CSMD3: variants seen among roughly 807,000 people sequenced by gnomAD.
The protein encoded by CSMD3 is CUB and Sushi multiple domains 3.
CSMD3 carries 177 observed loss-of-function variants against 435.2 expected under a neutral mutation model. The observed-to-expected ratio is 0.41, with a 90% confidence interval of 0.36 to 0.46. CSMD3 has a LOEUF of 0.46. Among genes scored for constraint, CSMD3 ranks in the 20% least tolerant of loss-of-function variants. CSMD3 has a pLI of 0.34. For missense variants in CSMD3, 4,265 were observed against 4,504.6 expected (o/e 0.95, Z 1.52); for synonymous variants, 1,656 against 1,520.5 (o/e 1.09, Z -2.07).
intron 1 of CSMD3, among the ~76,000 whole-genome samples, chr8:113,420,185 A>C (rs140714172): frequency 0.013 from 2,000 of 152,284 alleles, 47 homozygotes; most frequent in African/African-American, 0.044. Flanking sequence ...ATGTAGATAT[A>C]CTTAGTAAAT....
At chr8:112,474,772 T>C (rs1818875784) in intron 31 of CSMD3, among the ~76,000 whole-genome samples, 1 of 152,198 alleles carries the variant, frequency 6.6e-6, no homozygotes, top group African/African-American at 2.4e-5. Flanking sequence ...ACAGTATAGT[T>C]AAAACACACA....
At chr8:113,099,739 G>T (rs140727466) in intron 4 of CSMD3, among the ~76,000 whole-genome samples, 1 of 152,160 alleles carries the variant, frequency 6.6e-6, no homozygotes, top group African/African-American at 2.4e-5. Flanking sequence ...AACTAGCAGC[G>T]TGGTTATATG....
chr8:112,652,717 T>C (rs1263864251), intron 18 of CSMD3, among the ~76,000 whole-genome samples: 1 of 152,124 alleles, frequency 6.6e-6, no homozygotes, highest in African/African-American at 2.4e-5. Flanking sequence ...GTTGCAAAAT[T>C]GAGAAAATGA....
chr8:112,337,400 G>C, intron 43 of CSMD3, 143 bp downstream of exon 43: 3 of 713,074 alleles, frequency 4.2e-6, no homozygotes, highest in Non-Finnish European at 7.5e-6. Context: ...TCATTATAGA[G>C]CCTTAGGGGT....
chr8:112,994,625 T>C (rs1241047587), intron 6 of CSMD3, among the ~76,000 whole-genome samples: 1 of 151,598 alleles, frequency 6.6e-6, no homozygotes, highest in African/African-American at 2.4e-5. Flanking sequence ...GTTACACTGA[T>C]AAAATTGAGA....
intron 31 of CSMD3, among the ~76,000 whole-genome samples, chr8:112,488,816 T>C (rs1331425047): frequency 6.6e-6 from 1 of 152,180 alleles, no homozygotes; most frequent in Non-Finnish European, 1.5e-5. Flanking sequence ...AAGATATTAT[T>C]ATCTAGAATT....
intron 3 of CSMD3, among the ~76,000 whole-genome samples, chr8:113,221,860 T>C (rs772028438): frequency 6.6e-6 from 1 of 151,314 alleles, no homozygotes. Context: ...TTACTTAACA[T>C]GTTATATGTT....
chr8:112,872,377 A>G (rs2081160146), intron 10 of CSMD3, among the ~76,000 whole-genome samples: 1 of 152,040 alleles, frequency 6.6e-6, no homozygotes, highest in South Asian at 2.1e-4. Flanking sequence ...CTAATAATGA[A>G]ATGCACCCGA....
At chr8:113,167,538 G>A (rs777447380) in intron 4 of CSMD3, among the ~76,000 whole-genome samples, 2 of 152,102 alleles carry the variant, frequency 1.3e-5, no homozygotes, top group Non-Finnish European at 2.9e-5. Context: ...GGACATGTAC[G>A]TTATTTTATA....
At chr8:112,253,334 T>C (rs959253272) in intron 63 of CSMD3, among the ~76,000 whole-genome samples, 1 of 151,894 alleles carries the variant, frequency 6.6e-6, no homozygotes, top group African/African-American at 2.4e-5. Flanking sequence ...TTTTTACACT[T>C]TTGTATTATC....
chr8:113,029,569 C>T (rs1362598869), intron 5 of CSMD3, among the ~76,000 whole-genome samples: 1 of 151,470 alleles, frequency 6.6e-6, no homozygotes, highest in Admixed American at 6.6e-5. Context: ...TCAACAAGAT[C>T]CAGCATCCAT....
chr8:112,308,536 G>T (rs1037882677), intron 50 of CSMD3, among the ~76,000 whole-genome samples: 4 of 151,928 alleles, frequency 2.6e-5, no homozygotes, highest in African/African-American at 9.7e-5. Context: ...AATAAATCCA[G>T]TTCAGAAGAA....
At chr8:113,343,818 T>G (rs1446666553) in intron 1 of CSMD3, among the ~76,000 whole-genome samples, 1 of 152,158 alleles carries the variant, frequency 6.6e-6, no homozygotes, top group Non-Finnish European at 1.5e-5. Context: ...ATGCCTGTAA[T>G]CCCAGCACTT....
chr8:113,423,616 C>A (rs2094620143), intron 1 of CSMD3, among the ~76,000 whole-genome samples: 1 of 151,670 alleles, frequency 6.6e-6, no homozygotes, highest in African/African-American at 2.4e-5. Flanking sequence ...ATGTCAAATA[C>A]ATAAAAAAAG....
At position 112,263,137 on chromosome 8, in the gene CSMD3, TAAAA is replaced by T. The variant is rs58022386; in HGVS notation, c.9862+498_9862+501del. Among the ~76,000 whole-genome samples the T allele has an allele frequency of 1.3e-3, 184 of 137,992 alleles. 2 individuals are homozygous for T. The highest frequency in any genetic ancestry group is 8.5e-3 in the South Asian group (37 of 4,348). The allele number at this position is 137,992 out of a possible 152,430, so 90.5% of individuals were successfully genotyped here. A position where few individuals can be genotyped will look rare whatever the true frequency, so the allele number is the denominator to read the frequency against. ...GGTATATAGTATACAGCAACCTCTG[TAAAA>T]AAAAAAAAAAAAAGGCAAAACAAAC... On this transcript the variant is annotated intron_variant, in intron 61 of 70. Transcript: ENST00000297405.
At chr8:113,127,107 C>G (rs2091155859) in intron 4 of CSMD3, among the ~76,000 whole-genome samples, 1 of 152,000 alleles carries the variant, frequency 6.6e-6, no homozygotes, top group South Asian at 2.1e-4. Flanking sequence ...CAAATGAACT[C>G]TTTGAGGGCA....
intron 27 of CSMD3, among the ~76,000 whole-genome samples, chr8:112,523,162 T>C (rs1454025093): frequency 6.6e-6 from 1 of 151,902 alleles, no homozygotes; most frequent in Non-Finnish European, 1.5e-5. Context: ...TTGGATCTCA[T>C]ACAGTTGGAT....
Position 112,265,573 on chromosome 8 carries a change from G to A in CSMD3, c.9526C>T (p.Pro3176Ser), listed in dbSNP as rs1816863695. The change falls in exon 60 of 71, where the codon CCA (proline) becomes TCA (serine). Residue 3176 changes from proline to serine, a missense_variant. By Grantham distance (74) the Pro-to-Ser change is moderately conservative. Coordinates refer to ENST00000297405, the MANE Select transcript of CSMD3 (RefSeq NM_198123.2). ...CTCAGTCCATTGGCTGGTATACCTG[G>A]GTCTCCACAACTGATTACTGTCAGT... The part of the protein sequence containing the change: ...PNCTIISCGD[P>S]GIPANGLRYG... 6.2e-7 allele frequency: 1 copy of A among 1,612,812 alleles called. No individual in the cohort carries two copies.
chr8:112,931,544 A>C (rs568000839), intron 9 of CSMD3, among the ~76,000 whole-genome samples: 11 of 152,092 alleles, frequency 7.2e-5, no homozygotes, highest in African/African-American at 2.6e-4. Context: ...CTAGGAAAAG[A>C]TTGTATGGTT....
Sources: allele counts gnomAD v4.1 joint callset (sites outside exome capture counted in the v4.1 genomes callset), GRCh38; gene constraint gnomAD v4.1.1; transcripts MANE v1.5; gene names NCBI Gene and HGNC (gene_info 2026-07-23, HGNC 2026-07-21).